RAD50: variants seen among roughly 807,000 people sequenced by gnomAD.
RAD50 encodes the protein DNA repair protein RAD50.
A neutral mutation model predicts 168.8 loss-of-function variants in RAD50; 132 were observed. The observed-to-expected ratio is 0.78, with a 90% CI of 0.68 to 0.90. The LOEUF (loss-of-function observed/expected upper bound fraction) is 0.90, where lower values mean the gene tolerates loss of function less well. Among genes scored for constraint, RAD50 ranks in the 40% least tolerant of loss-of-function variants. The pLI, the probability that RAD50 is intolerant of heterozygous loss-of-function variation, is 0.00. For synonymous variants in RAD50, 525 were observed against 497.4 expected, an observed-to-expected ratio of 1.06 and a Z score of -0.74; for missense variants, 1,347 against 1,534.4, an observed-to-expected ratio of 0.88 and a Z score of 2.04.
chr5:132,611,701 G>A (rs766306889), intron 19 of RAD50, among the ~76,000 whole-genome samples: 2 of 107,610 alleles, frequency 1.9e-5, no homozygotes, highest in African/African-American at 4.4e-5. Context: ...GCCAGACTCC[G>A]TCTTAAAAAA....
chr5:132,638,150 A>G lies in RAD50; in HGVS notation c.3545A>G (p.Tyr1182Cys). ...NVSASDKRRNYNYRVVMLKGD... is the reference protein window; with the variant it reads ...NVSASDKRRNCNYRVVMLKGD... ...TCAGCTTCTGATAAAAGGCGGAATT[A>G]TAACTACCGAGTGGTGATGCTGAAG... The change falls in exon 23 of 25, where the codon TAT becomes TGT. Residue 1182 changes from tyrosine to cysteine, a missense_variant. Tyr to Cys is a radical substitution (Grantham distance 194). Transcript: ENST00000378823. The G allele has an allele frequency of 6.2e-7, 1 of 1,614,244 alleles. No individual in the cohort carries two copies. The highest frequency in any genetic ancestry group is 8.5e-7 in the Non-Finnish European group (1 of 1,180,026).
chr5:132,636,675 G>A (rs970587139), intron 21 of RAD50, among the ~76,000 whole-genome samples: 15 of 152,128 alleles, frequency 9.9e-5, no homozygotes, highest in East Asian at 1.9e-4. Flanking sequence ...TTGGCTAACC[G>A]TAAACCTTCT....
chr5:132,579,626 C>A, intron 4 of RAD50, 124 bp downstream of exon 4: 1 of 956,120 alleles, frequency 1.0e-6, no homozygotes, highest in Non-Finnish European at 1.6e-6. Context: ...TACCTCTCAT[C>A]CAGCAGCAAC....
Position 132,645,102 on chromosome 5 carries a change from A to C in RAD50, c.*2738A>C, listed in dbSNP as rs927263960. ...TCTTATTCTAGAGCCCCGTCCTTTTAATAACAATAACTGCACCCCTCCAAA... is the reference window on the plus strand; with the variant it reads ...TCTTATTCTAGAGCCCCGTCCTTTTCATAACAATAACTGCACCCCTCCAAA... On this transcript the variant is annotated 3_prime_UTR_variant, in exon 25 of 25. Transcript: ENST00000378823. 2.6e-5 allele frequency: 4 copies of C among 152,158 alleles called. No homozygotes were observed. The highest frequency in any genetic ancestry group is 5.9e-5 in the Non-Finnish European group (4 of 68,048). 9.4% of individuals were successfully genotyped at this position (152,158 alleles called of 1,614,324 possible). A position where few individuals can be genotyped will look rare whatever the true frequency, so the allele number is the denominator to read the frequency against.
chr5:132,559,214 G>A (rs1750076259), intron 1 of RAD50, 70 bp from the exon 2 acceptor site: 1 of 1,370,064 alleles, frequency 7.3e-7, no homozygotes, highest in Non-Finnish European at 1.0e-6. Flanking sequence ...TTTTTGTAAT[G>A]AATTCATATT....
intron 21 of RAD50, among the ~76,000 whole-genome samples, chr5:132,636,189 A>G (rs950456294): frequency 4.6e-5 from 7 of 152,336 alleles, no homozygotes; most frequent in South Asian, 4.1e-4. Context: ...CACTGGTGCA[A>G]CATTTATTAG....
At chr5:132,641,845 C>G in intron 24 of RAD50, 1 of 259,524 alleles carries the variant, frequency 3.9e-6, no homozygotes, top group African/African-American at 2.2e-5. Flanking sequence ...TATAGTTGAA[C>G]AGTTTGGATA....
rs876659971 is a variant in RAD50 at position 132,608,634 on chromosome 5, G to A, written c.2738G>A (p.Ser913Asn). Residue 913 changes from serine to asparagine, a missense_variant, in exon 17 of 25, where the codon AGC becomes AAC. Around this residue, in one of 3 missense-constraint regions of RAD50, gnomAD observed 635 missense variants for 739.2 expected, o/e 0.86. Transcript: ENST00000378823. ...REIKDAKEQV[S>N]PLETTLEKFQ... The stretch of plus-strand genomic sequence containing the variant: ...TTTTAGGATGCTAAAGAGCAGGTAA[G>A]CCCTTTGGAAACAACATTGGAAAAG... 1.3e-6 allele frequency: 2 copies of A among 1,593,908 alleles called. No individual in the cohort carries two copies. Among genetic ancestry groups the A allele is most frequent in the Non-Finnish European group, 1.7e-6 (2 of 1,170,400 alleles).
intron 20 of RAD50, among the ~76,000 whole-genome samples, chr5:132,617,212 A>G (rs1751194828): frequency 6.6e-6 from 1 of 152,220 alleles, no homozygotes; most frequent in South Asian, 2.1e-4. Context: ...ATTTTGATAT[A>G]AAATAATATA....
At chr5:132,592,854 TCTG>T (rs1230734230) in intron 11 of RAD50, 1 of 471,132 alleles carries the variant, frequency 2.1e-6, no homozygotes, top group Admixed American at 2.3e-5. Flanking sequence ...TTGAGGAAGT[TCTG>T]CTGTTGTCTG....
chr5:132,589,471 A>G (rs1318746050), intron 8 of RAD50, among the ~76,000 whole-genome samples, 160 bp from the exon 9 acceptor site: 1 of 152,220 alleles, frequency 6.6e-6, no homozygotes, highest in Non-Finnish European at 1.5e-5. Flanking sequence ...ACACAATGAT[A>G]AAATTGCCTA....
At chr5:132,559,657 TGTAA>T (rs1255599278) in intron 2 of RAD50, among the ~76,000 whole-genome samples, 13 of 152,240 alleles carry the variant, frequency 8.5e-5, no homozygotes, top group African/African-American at 2.7e-4. Flanking sequence ...GTGTTTGGTA[TGTAA>T]GTGTTTCTTT....
rs1315590787 is a variant in RAD50 at position 132,643,633 on chromosome 5, C to T, written c.*1269C>T. The T allele has an allele frequency of 1.5e-5, 3 of 198,084 alleles. No individual in the cohort carries two copies. Among genetic ancestry groups the T allele is most frequent in the East Asian group, 8.0e-5 (1 of 12,542 alleles). 12.3% of individuals were successfully genotyped at this position (198,084 alleles called of 1,614,324 possible). ...TAGACAGGTCCTGATTTCTAGAACC[C>T]GTGACTGTTACTTTATACAGCAAAG... is the stretch of plus-strand genomic sequence containing the variant. On this transcript the variant is annotated 3_prime_UTR_variant, in exon 25 of 25. Coordinates refer to ENST00000378823, the MANE Select transcript of RAD50 (RefSeq NM_005732.4).
chr5:132,621,655 C>T (rs568924005), intron 21 of RAD50, among the ~76,000 whole-genome samples: 1 of 152,276 alleles, frequency 6.6e-6, no homozygotes, highest in East Asian at 1.9e-4. Context: ...TCTAGATTGA[C>T]AGTTTTGTTC....
In RAD50 at chr5:132,640,654, A is replaced by G. The variant is rs761928936; in HGVS notation, c.3619-18A>G. ...AGAAGGTCTGTGCTGGGCTTCTCAC[A>G]TAGGGGCTTTTTTCCAGGTATTAGC... On this transcript the variant is annotated intron_variant, in intron 23 of 24. Coordinates refer to ENST00000378823, the MANE Select transcript of RAD50 (RefSeq NM_005732.4). 5.6e-6 allele frequency: 9 copies of G among 1,614,010 alleles called. No individual in the cohort carries two copies. In the Admixed American group the frequency reaches 8.3e-5, roughly 15 times the overall value.
chr5:132,591,811 T>G, intron 10 of RAD50, 66 bp from the exon 11 acceptor site: 1 of 1,213,666 alleles, frequency 8.2e-7, no homozygotes, highest in Non-Finnish European at 1.2e-6. Flanking sequence ...CTAGAATTTA[T>G]TTTTGTTCTT....
At chr5:132,639,167 A>C (rs1411082364) in intron 23 of RAD50, among the ~76,000 whole-genome samples, 1 of 152,084 alleles carries the variant, frequency 6.6e-6, no homozygotes, top group Non-Finnish European at 1.5e-5. Context: ...GACCAGCCTA[A>C]CATGGTGAAA....
At chr5:132,602,102 C>T (rs1213445199) in intron 13 of RAD50, among the ~76,000 whole-genome samples, 3 of 152,058 alleles carry the variant, frequency 2.0e-5, no homozygotes, top group Middle Eastern at 3.4e-3. Flanking sequence ...ACGTTCTGCA[C>T]GTGTATCCCA....
intron 7 of RAD50, among the ~76,000 whole-genome samples, chr5:132,588,344 A>G (rs549974071): frequency 6.6e-6 from 1 of 152,314 alleles, no homozygotes; most frequent in South Asian, 2.1e-4. Flanking sequence ...GAACAAAAAG[A>G]GAGTCCTTGT....
Sources: allele counts gnomAD v4.1 joint callset (sites outside exome capture counted in the v4.1 genomes callset), GRCh38; gene constraint gnomAD v4.1.1; regional missense constraint gnomAD v4.1.1; transcripts MANE v1.5; gene names NCBI Gene and HGNC (gene_info 2026-07-23, HGNC 2026-07-21).